The following RIT2 variants were observed in gnomAD, a reference collection of about 807,000 sequenced individuals.
RIT2 encodes GTP-binding protein Rit2.
In RIT2, 24 loss-of-function variants were observed where a neutral mutation model predicts 23.7. The ratio of observed to expected loss-of-function variants is 1.01; its 90% CI spans 0.73 to 1.43. RIT2 has a LOEUF of 1.43. RIT2 is among the 40% of genes most tolerant of loss of function. The pLI, the probability that RIT2 is intolerant of heterozygous loss-of-function variation, is 0.00. For synonymous variants in RIT2, 107 were observed against 91.1 expected (o/e 1.17, Z -0.99); for missense variants, 236 against 266.9 (o/e 0.88, Z 0.81).
In RIT2 at chr18:42,821,369, A is replaced by G. The variant is rs527659522; in HGVS notation, c.427-77649T>C. Among the ~76,000 whole-genome samples the G allele has an allele frequency of 1.6e-4, 24 of 152,282 alleles. No homozygotes were observed. The South Asian group carries it at 4.1e-3, about 26-fold the overall frequency. On this transcript the variant is annotated intron_variant, in intron 4 of 4. Coordinates refer to ENST00000326695, the MANE Select transcript of RIT2 (RefSeq NM_002930.4). ...TCAGGATGGTACAAGGTAGATTCAC[A>G]TGACTATAAGTAGGTTAGTTTTGAT...
chr18:43,087,047 G>A (rs764182414), intron 1 of RIT2, among the ~76,000 whole-genome samples: 1 of 151,920 alleles, frequency 6.6e-6, no homozygotes, highest in African/African-American at 2.4e-5. Context: ...GCTAGGAGCT[G>A]GAGACCAGCC....
At chr18:42,972,382 T>C (rs1479375630) in intron 3 of RIT2, among the ~76,000 whole-genome samples, 1 of 151,976 alleles carries the variant, frequency 6.6e-6, no homozygotes, top group African/African-American at 2.4e-5. Flanking sequence ...TAGAAAGAGA[T>C]GACCTATTTC....
At chr18:43,068,774 T>G (rs1305426267) in intron 1 of RIT2, among the ~76,000 whole-genome samples, 1 of 73,662 alleles carries the variant, frequency 1.4e-5, no homozygotes, top group East Asian at 5.4e-4. Flanking sequence ...TTTCTGAAAG[T>G]TCATAAATAC....
At chr18:42,837,732 T>G (rs556202875) in intron 4 of RIT2, among the ~76,000 whole-genome samples, 1 of 152,242 alleles carries the variant, frequency 6.6e-6, no homozygotes, top group African/African-American at 2.4e-5. Flanking sequence ...TAGTCCCAGT[T>G]TGAGCCATTA....
intron 3 of RIT2, among the ~76,000 whole-genome samples, chr18:42,944,584 C>A (rs1264063516): frequency 7.2e-5 from 11 of 152,100 alleles, no homozygotes. Flanking sequence ...ACCATTTTCA[C>A]ATGGGAGAGA....
intron 1 of RIT2, among the ~76,000 whole-genome samples, chr18:43,089,884 G>T (rs554042130): frequency 6.6e-6 from 1 of 152,072 alleles, no homozygotes; most frequent in East Asian, 1.9e-4. Context: ...TATACAAAAA[G>T]TAAATCAAGA....
intron 3 of RIT2, among the ~76,000 whole-genome samples, chr18:42,936,210 C>A (rs1312313394): frequency 1.3e-5 from 2 of 152,062 alleles, no homozygotes; most frequent in Non-Finnish European, 2.9e-5. Context: ...TGCCTCCAGA[C>A]CCTATTCTCC....
Position 43,115,672 on chromosome 18 carries a change from C to T in RIT2, c.-153G>A, listed in dbSNP as rs1260785053. On this transcript the variant is annotated 5_prime_UTR_variant, in exon 1 of 5. Transcript: ENST00000326695. ...TCGGGCTGGCTGCTGGTCCTCCGCT[C>T]GAGCGGGTCTCATAGCAACCACTTC... The T allele has an allele frequency of 2.7e-6, 3 of 1,107,484 alleles. No individual in the cohort carries two copies. The South Asian group carries it at 5.5e-5, about 20-fold the overall frequency. The allele number at this position is 1,107,484 out of a possible 1,614,324, so 68.6% of individuals were successfully genotyped here.
chr18:42,845,312 G>A (rs1906877537), intron 4 of RIT2, among the ~76,000 whole-genome samples: 1 of 151,908 alleles, frequency 6.6e-6, no homozygotes, highest in African/African-American at 2.4e-5. Context: ...TTCAAACAGT[G>A]TGAAGAGGTC....
chr18:43,005,347 G>A (rs2144247274), intron 2 of RIT2, among the ~76,000 whole-genome samples: 1 of 151,886 alleles, frequency 6.6e-6, no homozygotes, highest in Non-Finnish European at 1.5e-5. Flanking sequence ...TATACAAACA[G>A]TTGTTTACAA....
intron 4 of RIT2, among the ~76,000 whole-genome samples, chr18:42,912,018 T>C (rs1000837075): frequency 1.3e-5 from 2 of 151,820 alleles, no homozygotes; most frequent in Non-Finnish European, 2.9e-5. Flanking sequence ...CTGATTAACT[T>C]AGATGAAAAT....
At chr18:42,770,696 T>G (rs1353919806) in intron 4 of RIT2, among the ~76,000 whole-genome samples, 1 of 152,120 alleles carries the variant, frequency 6.6e-6, no homozygotes, top group African/African-American at 2.4e-5. Flanking sequence ...TGCATGCCAA[T>G]TCACAATGGG....
At chr18:43,037,883 G>A (rs985943553) in intron 1 of RIT2, among the ~76,000 whole-genome samples, 10 of 151,924 alleles carry the variant, frequency 6.6e-5, no homozygotes, top group African/African-American at 1.5e-4. Context: ...TTTATAGTCC[G>A]CTAGTTTTAC....
chr18:43,108,727 C>A (rs565018254), intron 1 of RIT2, among the ~76,000 whole-genome samples: 1 of 152,114 alleles, frequency 6.6e-6, no homozygotes, highest in South Asian at 2.1e-4. Flanking sequence ...TGAGTAGATA[C>A]CAATTTACTC....
At chr18:43,077,028 G>A (rs533733109) in intron 1 of RIT2, among the ~76,000 whole-genome samples, 1 of 147,850 alleles carries the variant, frequency 6.8e-6, no homozygotes, top group South Asian at 2.2e-4. Flanking sequence ...GCGTGAACCC[G>A]GGAGGCGGAG....
chr18:42,964,109 T>G (rs1910155954), intron 3 of RIT2, among the ~76,000 whole-genome samples: 2 of 151,910 alleles, frequency 1.3e-5, no homozygotes, highest in East Asian at 1.9e-4. Flanking sequence ...GATAATAGCT[T>G]AAACCTGGGA....
intron 1 of RIT2, among the ~76,000 whole-genome samples, chr18:43,099,022 A>T (rs564173780): frequency 6.6e-6 from 1 of 152,064 alleles, no homozygotes; most frequent in African/African-American, 2.4e-5. Flanking sequence ...GAAAGGGGAG[A>T]TGAACTTTTC....
chr18:43,055,489 G>T (rs989202997), intron 1 of RIT2, among the ~76,000 whole-genome samples: 4 of 151,862 alleles, frequency 2.6e-5, no homozygotes, highest in Admixed American at 1.3e-4. Flanking sequence ...ATCAAAAGAG[G>T]GTGCCCATGA....
chr18:42,819,303 T>A (rs1219617043), intron 4 of RIT2, among the ~76,000 whole-genome samples: 1 of 152,068 alleles, frequency 6.6e-6, no homozygotes, highest in African/African-American at 2.4e-5. Flanking sequence ...CACTTAATGC[T>A]GAAAACTCTT....
Sources: allele counts gnomAD v4.1 joint callset (sites outside exome capture counted in the v4.1 genomes callset), GRCh38; gene constraint gnomAD v4.1.1; transcripts MANE v1.5; gene names NCBI Gene and HGNC (gene_info 2026-07-23, HGNC 2026-07-21).